The following ARFGEF1 variants were observed in gnomAD, a reference collection of about 807,000 sequenced individuals.
ARFGEF1 encodes the protein brefeldin A-inhibited guanine nucleotide-exchange protein 1.
Under a neutral mutation model 231.0 loss-of-function variants are expected in ARFGEF1, and 42 were observed. The ratio of observed to expected loss-of-function variants is 0.18; its 90% confidence interval spans 0.14 to 0.24. The LOEUF (loss-of-function observed/expected upper bound fraction) is 0.24. Ranked by LOEUF, ARFGEF1 falls within the 10% of genes least tolerant of loss-of-function variation. The probability of loss-of-function intolerance (pLI) is 1.00; values close to 1 mark genes in which losing one functional copy is unlikely to be tolerated. For missense variants in ARFGEF1, 1,345 were observed against 2,192.0 expected (o/e 0.61, Z 7.72); for synonymous variants, 710 against 732.3 (o/e 0.97, Z 0.49).
intron 3 of ARFGEF1, among the ~76,000 whole-genome samples, chr8:67,300,068 A>C (rs1402280245): frequency 6.6e-6 from 1 of 152,186 alleles, no homozygotes; most frequent in African/African-American, 2.4e-5. Flanking sequence ...TATGACCCCC[A>C]ATCTCTTTCC....
At chr8:67,200,271 C>T in intron 38 of ARFGEF1, 125 bp downstream of exon 38, 1 of 754,246 alleles carries the variant, frequency 1.3e-6, no homozygotes, top group East Asian at 2.6e-5. Context: ...TTTGCACAAG[C>T]AGCAGTGCAG....
intron 34 of ARFGEF1, among the ~76,000 whole-genome samples, chr8:67,205,894 A>G (rs905799688): frequency 1.3e-5 from 2 of 150,562 alleles, no homozygotes; most frequent in Non-Finnish European, 3.0e-5. Context: ...ATAAATAAAT[A>G]AAATTAAAAT....
intron 5 of ARFGEF1, among the ~76,000 whole-genome samples, chr8:67,176,550 G>C (rs1466936318): frequency 6.6e-6 from 1 of 152,180 alleles, no homozygotes; most frequent in African/African-American, 2.4e-5. Flanking sequence ...CATCTGGAGA[G>C]AGGAGAGAAG....
At chr8:67,219,614 C>T in intron 29 of ARFGEF1, 54 bp from the exon 30 acceptor site, 2 of 1,517,164 alleles carry the variant, frequency 1.3e-6, no homozygotes, top group Non-Finnish European at 8.9e-7. Flanking sequence ...CATACTTCTC[C>T]TAAAATAGTT....
intron 22 of ARFGEF1, among the ~76,000 whole-genome samples, chr8:67,236,287 C>A (rs1839734325): frequency 7.8e-6 from 1 of 128,224 alleles, no homozygotes; most frequent in East Asian, 2.3e-4. Context: ...CACCGCACTC[C>A]AGCCTGGGTG....
At chr8:67,253,344 T>C in intron 18 of ARFGEF1, 107 bp downstream of exon 18, 4 of 713,296 alleles carry the variant, frequency 5.6e-6, no homozygotes, top group Non-Finnish European at 8.4e-6. Flanking sequence ...CCTGAGTAGC[T>C]GGGGACTATA....
At chr8:67,307,974 C>G (rs978988792) in intron 1 of ARFGEF1, among the ~76,000 whole-genome samples, 11 of 152,224 alleles carry the variant, frequency 7.2e-5, no homozygotes, top group Non-Finnish European at 1.6e-4. Flanking sequence ...CAGGCACCCC[C>G]TCTTGGAGCC....
At chr8:67,339,287 T>C (rs918139421) in intron 1 of ARFGEF1, among the ~76,000 whole-genome samples, 3 of 152,126 alleles carry the variant, frequency 2.0e-5, no homozygotes, top group African/African-American at 7.2e-5. Context: ...ATGCCTCCCT[T>C]CCCTTTAAAA....
chr8:67,267,604 C>A (rs1450300115), intron 10 of ARFGEF1, among the ~76,000 whole-genome samples, 162 bp from the exon 11 acceptor site: 3 of 152,124 alleles, frequency 2.0e-5, no homozygotes, highest in African/African-American at 4.8e-5. Context: ...ACTAAAATAT[C>A]TTGGGTAAGT....
At chr8:67,324,274 C>A (rs1427369584) in intron 1 of ARFGEF1, among the ~76,000 whole-genome samples, 1 of 152,182 alleles carries the variant, frequency 6.6e-6, no homozygotes, top group African/African-American at 2.4e-5. Flanking sequence ...AGCTTGGCAA[C>A]TGAGTGAGAC....
At chr8:67,276,370 A>G (rs764718587) in intron 8 of ARFGEF1, among the ~76,000 whole-genome samples, 6 of 152,122 alleles carry the variant, frequency 3.9e-5, no homozygotes, top group Non-Finnish European at 7.4e-5. Context: ...TACCCAGCTC[A>G]TACTATTACT....
chr8:67,262,569 A>C (rs552510085), intron 14 of ARFGEF1, among the ~76,000 whole-genome samples: 1 of 152,372 alleles, frequency 6.6e-6, no homozygotes, highest in East Asian at 1.9e-4. Flanking sequence ...AAATACTATC[A>C]AACAGCATTA....
At chr8:67,211,342 T>C (rs1459621356) in intron 34 of ARFGEF1, 141 bp downstream of exon 34, 1 of 514,770 alleles carries the variant, frequency 1.9e-6, no homozygotes, top group African/African-American at 4.0e-5. Context: ...TGAAACTCCG[T>C]CTCAAAAAAA....
At chr8:67,224,398 A>G (rs927945108) in intron 29 of ARFGEF1, among the ~76,000 whole-genome samples, 38 of 152,310 alleles carry the variant, frequency 2.5e-4, no homozygotes, top group African/African-American at 8.4e-4. Context: ...CAGATTGACT[A>G]TATGTTCATA....
intron 1 of ARFGEF1, among the ~76,000 whole-genome samples, chr8:67,320,586 C>T (rs923546022): frequency 2.6e-5 from 4 of 152,170 alleles, no homozygotes; most frequent in Non-Finnish European, 5.9e-5. Flanking sequence ...AACCATACTG[C>T]CAAAACTGGA....
rs1241146525 is a variant in ARFGEF1 at position 67,197,706 on chromosome 8, C to CG, written c.*1227_*1228insC. The CG allele has an allele frequency of 4.1e-6, 4 of 985,574 alleles. No homozygotes were observed. In the Admixed American group the frequency reaches 2.5e-4, roughly 61 times the overall value. The allele number at this position is 985,574 out of a possible 1,614,324, so 61.1% of individuals were successfully genotyped here. A position where few individuals can be genotyped will look rare whatever the true frequency, so the allele number is the denominator to read the frequency against. On this transcript the variant is annotated 3_prime_UTR_variant, in exon 39 of 39. Coordinates refer to ENST00000262215, the MANE Select transcript of ARFGEF1 (RefSeq NM_006421.5). Reference sequence around the variant, plus strand: ...TTCAAAAACTTTATTGACCTATAACCTGATTAGAATATGCCAGATGGGAAT... The same window carrying CG: ...TTCAAAAACTTTATTGACCTATAACCGTGATTAGAATATGCCAGATGGGAAT...
At position 67,204,717 on chromosome 8, in the gene ARFGEF1, C is replaced by T; in HGVS notation, c.4922G>A (p.Ser1641Asn). Residue 1641 changes from serine to asparagine, a missense_variant, in exon 35 of 39, where the codon AGT becomes AAT. Transcript: ENST00000262215. ...TAAGTTTTCTGCATCTTCTTTCTTA[C>T]TTGTGGCTGGGAAGAAGACAATGTT... ...IDNIVFFPAT[S>N]KKEDAENLAA... 1.2e-6 allele frequency: 2 copies of T among 1,613,728 alleles called. No individual in the cohort carries two copies. The highest frequency in any genetic ancestry group is 1.7e-6 in the Non-Finnish European group (2 of 1,179,894).
chr8:67,277,191 T>A, intron 8 of ARFGEF1, 91 bp downstream of exon 8: 1 of 1,273,032 alleles, frequency 7.9e-7, no homozygotes, highest in Non-Finnish European at 1.1e-6. Flanking sequence ...GGCAGCATCA[T>A]CAGCTGAAAA....
At chr8:67,243,978 G>A (rs1199871686) in intron 19 of ARFGEF1, among the ~76,000 whole-genome samples, 2 of 151,966 alleles carry the variant, frequency 1.3e-5, no homozygotes, top group African/African-American at 4.8e-5. Context: ...GGTGGCTCAC[G>A]CCTGTAATCC....
Sources: allele counts gnomAD v4.1 joint callset (sites outside exome capture counted in the v4.1 genomes callset), GRCh38; gene constraint gnomAD v4.1.1; transcripts MANE v1.5; gene names NCBI Gene and HGNC (gene_info 2026-07-23, HGNC 2026-07-21).